The following ZFR variants were observed in gnomAD, a reference collection of about 807,000 sequenced individuals.
The protein encoded by ZFR is zinc finger RNA binding protein.
Under a neutral mutation model 130.7 loss-of-function variants are expected in ZFR, and 19 were observed. That is an observed-to-expected ratio of 0.15 (90% confidence interval 0.10 to 0.21). The LOEUF (loss-of-function observed/expected upper bound fraction) is 0.21. Among genes scored for constraint, ZFR ranks in the 10% least tolerant of loss-of-function variants. The pLI is 1.00. For synonymous variants in ZFR, 466 were observed against 456.9 expected (o/e 1.02, Z -0.25); for missense variants, 872 against 1,321.5 (o/e 0.66, Z 5.27).
chr5:32,429,884 T>C (rs991597675), intron 2 of ZFR, among the ~76,000 whole-genome samples: 4 of 151,726 alleles, frequency 2.6e-5, no homozygotes, highest in African/African-American at 9.7e-5. Flanking sequence ...GGCTGGGTAA[T>C]AAAGGGAGGC....
In ZFR at chr5:32,388,598, T is replaced by C; in HGVS notation, c.2219A>G (p.Glu740Gly). The change falls in exon 13 of 20, where the codon GAG (glutamate) becomes GGG (glycine). Residue 740 changes from glutamate to glycine, a missense_variant. By Grantham distance (98) the Glu-to-Gly change is moderately conservative (BLOSUM62 -2). Around this residue, in one of 7 missense-constraint regions of ZFR, gnomAD observed 225 missense variants for 282.4 expected, o/e 0.80. Transcript: ENST00000265069. The part of the protein sequence containing the change: ...KHATIYPTEE[E>G]LQAVQKIVSI... ...AACAATTTTCTGAACTGCCTGTAACTCCTCTTCAGTTGGATAAATGGTGGC... is the reference window on the plus strand; with the variant it reads ...AACAATTTTCTGAACTGCCTGTAACCCCTCTTCAGTTGGATAAATGGTGGC... 6.2e-7 allele frequency: 1 copy of C among 1,614,034 alleles called. No individual in the cohort carries two copies.
chr5:32,399,296 C>CAAAAAT (rs1463487992), intron 9 of ZFR, among the ~76,000 whole-genome samples: 2 of 151,700 alleles, frequency 1.3e-5, no homozygotes, highest in African/African-American at 4.8e-5. Context: ...AAAACAAAAA[C>CAAAAAT]AAAAACAAAA....
intron 10 of ZFR, 62 bp downstream of exon 10, chr5:32,397,157 C>G (rs1440767055): frequency 6.5e-7 from 1 of 1,540,008 alleles, no homozygotes; most frequent in Non-Finnish European, 8.7e-7. Flanking sequence ...ATAAAGAATG[C>G]TCTGGGTGTT....
chr5:32,424,275 G>A (rs553889528), intron 2 of ZFR, among the ~76,000 whole-genome samples: 3 of 152,312 alleles, frequency 2.0e-5, no homozygotes, highest in Admixed American at 2.0e-4. Context: ...TGGGCGTGGT[G>A]GCTCACGCCT....
At chr5:32,414,576 C>T (rs1228072695) in intron 5 of ZFR, among the ~76,000 whole-genome samples, 1 of 152,164 alleles carries the variant, frequency 6.6e-6, no homozygotes. Context: ...ATAAATAGCT[C>T]TTCGAGAGCC....
At chr5:32,444,145 G>T (rs1223650431) in intron 2 of ZFR, 84 bp downstream of exon 2, 1 of 1,474,194 alleles carries the variant, frequency 6.8e-7, no homozygotes, top group Non-Finnish European at 9.1e-7. Context: ...GATGGCTGGG[G>T]ACGGGCGCGG....
intron 11 of ZFR, among the ~76,000 whole-genome samples, chr5:32,393,683 C>T (rs916845292): frequency 3.3e-5 from 5 of 152,110 alleles, no homozygotes; most frequent in African/African-American, 1.2e-4. Context: ...AGGTATAACC[C>T]ACATAAGGAC....
intron 9 of ZFR, among the ~76,000 whole-genome samples, chr5:32,398,774 C>A (rs1245273740): frequency 6.6e-6 from 1 of 151,124 alleles, no homozygotes; most frequent in Non-Finnish European, 1.5e-5. Flanking sequence ...GCAACCTCCA[C>A]CTCCCAGGTT....
chr5:32,397,359 C>T (rs72735340), intron 9 of ZFR, 21 bp from the exon 10 acceptor site: 61,536 of 1,606,086 alleles, frequency 0.038, 1,483 homozygotes, highest in Non-Finnish European at 0.044. Flanking sequence ...AAAAAAAATT[C>T]AAGAATCATC....
chr5:32,441,274 G>A (rs1561933685), intron 2 of ZFR, among the ~76,000 whole-genome samples: 4 of 152,180 alleles, frequency 2.6e-5, no homozygotes, highest in Admixed American at 6.5e-5. Context: ...ACCACGCCTG[G>A]CCTCTGGAAT....
chr5:32,401,462 T>G (rs981179104), intron 8 of ZFR, among the ~76,000 whole-genome samples: 1 of 152,042 alleles, frequency 6.6e-6, no homozygotes, highest in African/African-American at 2.4e-5. Flanking sequence ...GAATATGAAC[T>G]GGTCAGAAAG....
chr5:32,403,188 A>G lies in ZFR; in HGVS notation c.1434T>C (p.Asn478=), dbSNP rs1753505842. Residue 478 remains asparagine, a synonymous_variant, in exon 8 of 20, where the codon AAT becomes AAC. Transcript: ENST00000265069. The stretch of plus-strand genomic sequence containing the variant: ...CTGATACTTTAGTGTTAGATGTGCT[A>G]TTAAGAGACGAGTTTCCTGTAGTCG... ...GLTTTGNSSL[N]STSNTKVSAV... is the part of the protein sequence containing the mutation. 6.2e-7 allele frequency: 1 copy of G among 1,614,104 alleles called. No homozygotes were observed. The highest frequency in any genetic ancestry group is 1.1e-5 in the South Asian group (1 of 91,086).
intron 2 of ZFR, among the ~76,000 whole-genome samples, chr5:32,432,423 T>C (rs192080555): frequency 1.6e-4 from 24 of 152,330 alleles, no homozygotes; most frequent in African/African-American, 5.8e-4. Context: ...GAGCGTCTTT[T>C]CATACGCTTT....
rs1232008584 is a variant in ZFR at position 32,388,533 on chromosome 5, A to C, written c.2284T>G (p.Leu762Val). ...TTCTTGTTCTTCTCATGTTCAGACA[A>C]ACTGTCTGAAACGAGTTTTAAAGCA... Reference protein sequence around the residue: ...ERALKLVSDSLSEHEKNKNKE... With the variant: ...ERALKLVSDSVSEHEKNKNKE... The change falls in exon 13 of 20, where the codon TTG becomes GTG. Residue 762 changes from leucine to valine, a missense_variant. Around this residue, in one of 7 missense-constraint regions of ZFR, gnomAD observed 225 missense variants for 282.4 expected, o/e 0.80. Transcript: ENST00000265069. 1.9e-6 allele frequency: 3 copies of C among 1,613,914 alleles called. No homozygotes were observed. Among genetic ancestry groups the C allele is most frequent in the Non-Finnish European group, 2.5e-6 (3 of 1,179,954 alleles).
intron 17 of ZFR, among the ~76,000 whole-genome samples, chr5:32,377,302 G>T (rs554375810): frequency 1.1e-4 from 17 of 148,746 alleles, no homozygotes; most frequent in South Asian, 8.7e-4. Flanking sequence ...GCGTGATCTC[G>T]GCTCACTGCA....
At chr5:32,431,002 G>A (rs931585996) in intron 2 of ZFR, among the ~76,000 whole-genome samples, 4 of 152,130 alleles carry the variant, frequency 2.6e-5, no homozygotes, top group Non-Finnish European at 5.9e-5. Flanking sequence ...TTGAGCCCGG[G>A]AGGTTGAAGG....
chr5:32,442,087 G>C (rs1195669367), intron 2 of ZFR, among the ~76,000 whole-genome samples: 1 of 151,936 alleles, frequency 6.6e-6, no homozygotes, highest in African/African-American at 2.4e-5. Context: ...TCTATCTGTA[G>C]GTCTGCATTT....
At position 32,380,086 on chromosome 5, in the gene ZFR, T is replaced by C; in HGVS notation, c.2728A>G (p.Lys910Glu). The C allele has an allele frequency of 6.2e-7, 1 of 1,613,920 alleles. No individual in the cohort carries two copies. Among genetic ancestry groups the C allele is most frequent in the Non-Finnish European group, 8.5e-7 (1 of 1,179,786 alleles). Residue 910 changes from lysine (K) to glutamate (E), a missense_variant, in exon 16 of 20, where the codon AAG (lysine) becomes GAG (glutamate). By Grantham distance (56) the Lys-to-Glu change is moderately conservative. Coordinates refer to ENST00000265069, the MANE Select transcript of ZFR (RefSeq NM_016107.5). Reference protein sequence around the residue: ...LDALAALRHAKWFQARANGLQ... With the variant: ...LDALAALRHAEWFQARANGLQ... ...ATGATGTTCCGAACCTGGAACCACT[T>C]AGCGTGGCGTAGAGCAGCCAGAGCG...
chr5:32,413,197 AAAAC>A (rs1411790152), intron 5 of ZFR, among the ~76,000 whole-genome samples: 28 of 150,930 alleles, frequency 1.9e-4, no homozygotes, highest in African/African-American at 2.9e-4. Flanking sequence ...AATCTCAAAA[AAAAC>A]AAAACAAAAC....
Sources: allele counts gnomAD v4.1 joint callset (sites outside exome capture counted in the v4.1 genomes callset), GRCh38; gene constraint gnomAD v4.1.1; regional missense constraint gnomAD v4.1.1; transcripts MANE v1.5; gene names NCBI Gene and HGNC (gene_info 2026-07-23, HGNC 2026-07-21).